Variants in IGF2R observed in about 807,000 individuals in gnomAD.
IGF2R encodes the protein insulin like growth factor 2 receptor, also known as cation-independent mannose-6-phosphate receptor.
A neutral mutation model predicts 270.6 loss-of-function variants in IGF2R; 91 were observed. The observed-to-expected ratio is 0.34, with a 90% CI of 0.28 to 0.40. IGF2R has a LOEUF of 0.40. Ranked by LOEUF, IGF2R falls within the 10% of genes least tolerant of loss-of-function variation. The probability of loss-of-function intolerance (pLI) is 1.00; values close to 1 mark genes in which losing one functional copy is unlikely to be tolerated. For synonymous variants in IGF2R, 1,316 were observed against 1,258.9 expected (o/e 1.05, Z -0.96); for missense variants, 2,805 against 3,188.3 (o/e 0.88, Z 2.90).
chr6:160,104,622 G>C, intron 47 of IGF2R, 52 bp from the exon 48 acceptor site: 1 of 1,563,476 alleles, frequency 6.4e-7, no homozygotes, highest in East Asian at 2.2e-5. Flanking sequence ...TGGTGGAGCA[G>C]AATGGGGTCT....
intron 36 of IGF2R, among the ~76,000 whole-genome samples, chr6:160,077,314 G>C (rs2115279409): frequency 6.6e-6 from 1 of 152,284 alleles, no homozygotes; most frequent in Non-Finnish European, 1.5e-5. Flanking sequence ...GGGCAACGTG[G>C]ATTTTGCCTT....
At chr6:160,079,306 T>A (rs988425668) in intron 37 of IGF2R, among the ~76,000 whole-genome samples, 2 of 152,170 alleles carry the variant, frequency 1.3e-5, no homozygotes, top group South Asian at 2.1e-4. Flanking sequence ...GGGCTCTGAC[T>A]GGAGACGACA....
At chr6:160,054,966 C>T (rs1016564581) in intron 19 of IGF2R, among the ~76,000 whole-genome samples, 3 of 152,072 alleles carry the variant, frequency 2.0e-5, no homozygotes, top group Non-Finnish European at 4.4e-5. Context: ...GCCTGGTCTG[C>T]TTTGTCATTG....
chr6:160,083,808 G>T (rs931178160), intron 39 of IGF2R, 142 bp from the exon 40 acceptor site: 1 of 646,908 alleles, frequency 1.5e-6, no homozygotes, highest in South Asian at 1.9e-5. Flanking sequence ...AGTGGCTGGG[G>T]CAAAGCTACA....
intron 1 of IGF2R, among the ~76,000 whole-genome samples, chr6:159,971,625 G>A (rs766801305): frequency 1.1e-3 from 175 of 152,222 alleles, no homozygotes; most frequent in Middle Eastern, 3.4e-3. Flanking sequence ...CCCAACATGT[G>A]CCAAGTGAAC....
At chr6:159,982,375 A>G (rs1012335734) in intron 1 of IGF2R, among the ~76,000 whole-genome samples, 13 of 152,182 alleles carry the variant, frequency 8.5e-5, no homozygotes, top group Admixed American at 4.6e-4. Flanking sequence ...CTGTTAGAGG[A>G]CTTGCGTGCA....
Position 159,978,825 on chromosome 6 carries a change from T to G in IGF2R, c.149+9430T>G, listed in dbSNP as rs1783735341. ...CTGGCCGTTCAGCCAGCTGCAGACC[T>G]TTGGTAGGAGTTTTCTTTTTCCTTT... On this transcript the variant is annotated intron_variant, in intron 1 of 47. Coordinates refer to ENST00000356956, the MANE Select transcript of IGF2R (RefSeq NM_000876.4). Among the ~76,000 whole-genome samples, 4 of 152,114 alleles carry G rather than the reference T, an allele frequency of 2.6e-5. No individual in the cohort carries two copies. In the South Asian group the frequency reaches 8.3e-4, roughly 31 times the overall value.
chr6:160,043,427 C>G (rs1050091578), intron 12 of IGF2R, 139 bp downstream of exon 12: 108 of 1,011,364 alleles, frequency 1.1e-4, no homozygotes, highest in Middle Eastern at 3.4e-4. Context: ...ATTTTTCATT[C>G]ATAACTCAAA....
chr6:160,097,709 A>G (rs1287056634), intron 45 of IGF2R, among the ~76,000 whole-genome samples: 1 of 152,106 alleles, frequency 6.6e-6, no homozygotes, highest in Non-Finnish European at 1.5e-5. Context: ...TTGCCATGTA[A>G]TTGTTTCCTT....
intron 4 of IGF2R, among the ~76,000 whole-genome samples, chr6:160,023,236 T>C (rs550491142): frequency 6.6e-6 from 1 of 152,022 alleles, no homozygotes; most frequent in East Asian, 1.9e-4. Flanking sequence ...CAGGGTTTAG[T>C]CTGAAGGGAG....
intron 3 of IGF2R, among the ~76,000 whole-genome samples, chr6:160,010,153 G>C (rs761827611): frequency 2.0e-5 from 3 of 152,184 alleles, no homozygotes; most frequent in Non-Finnish European, 4.4e-5. Context: ...GGAGTGAAGA[G>C]GCCAGTTCCT....
chr6:160,047,820 G>A lies in IGF2R; in HGVS notation c.2258G>A (p.Arg753Gln), dbSNP rs141234361. Reference protein sequence around the residue: ...QEEDNSTYNFRWYTSYACPEE... With the variant: ...QEEDNSTYNFQWYTSYACPEE... Reference sequence around the variant, plus strand: ...GAGGATAACTCCACCTACAACTTCCGGTGGTACACCAGCTATGCCTGCCCG... The same window carrying A: ...GAGGATAACTCCACCTACAACTTCCAGTGGTACACCAGCTATGCCTGCCCG... The change falls in exon 17 of 48, where the codon CGG becomes CAG. Residue 753 changes from arginine to glutamine, a missense_variant. Transcript: ENST00000356956. 28 of 1,613,804 alleles carry A rather than the reference G, an allele frequency of 1.7e-5. No individual in the cohort carries two copies. The highest frequency in any genetic ancestry group is 1.9e-5 in the Non-Finnish European group (23 of 1,179,786).
Position 160,035,426 on chromosome 6 carries a change from G to C in IGF2R, c.1315+904G>C, listed in dbSNP as rs1334219610. 3.9e-5 allele frequency among the ~76,000 whole-genome samples: 6 copies of C among 152,202 alleles called. No homozygotes were observed. In the East Asian group the frequency reaches 1.2e-3, roughly 29 times the overall value. On this transcript the variant is annotated intron_variant, in intron 10 of 47. Coordinates refer to ENST00000356956, the MANE Select transcript of IGF2R (RefSeq NM_000876.4). Reference sequence around the variant, plus strand: ...ATGCTCTCGAAGCCTCCGGAGATCAGGTCTGCGTTGGGAGAGACAGGCACC... The same window carrying C: ...ATGCTCTCGAAGCCTCCGGAGATCACGTCTGCGTTGGGAGAGACAGGCACC...
chr6:160,065,973 GGATTACA>G (rs1778575795), intron 29 of IGF2R, among the ~76,000 whole-genome samples: 1 of 147,232 alleles, frequency 6.8e-6, no homozygotes, highest in Admixed American at 6.8e-5. Context: ...CTAGTAGCTG[GGATTACA>G]GACACCACCA....
chr6:159,991,233 A>G lies in IGF2R; in HGVS notation c.199A>G (p.Asn67Asp). Residue 67 changes from asparagine to aspartate, a missense_variant, in exon 2 of 48, where the codon AAC becomes GAC. By Grantham distance (23) the Asn-to-Asp change is conservative. Transcript: ENST00000356956. The part of the protein sequence containing the change: ...DTKNNVLYKI[N>D]ICGSVDIVQC... ...CAAAAATAATGTACTTTATAAAATC[A>G]ACATCTGTGGAAGTGTGGATATTGT... 1.2e-6 allele frequency: 2 copies of G among 1,613,474 alleles called. No individual in the cohort carries two copies. The highest frequency in any genetic ancestry group is 1.7e-6 in the Non-Finnish European group (2 of 1,179,606).
intron 4 of IGF2R, among the ~76,000 whole-genome samples, chr6:160,017,596 C>T (rs1216110822): frequency 2.0e-5 from 3 of 152,096 alleles, no homozygotes; most frequent in Non-Finnish European, 4.4e-5. Context: ...AGGAAAAAAT[C>T]CTATCCACGA....
At chr6:160,041,063 G>A (rs969879735) in intron 11 of IGF2R, among the ~76,000 whole-genome samples, 11 of 152,128 alleles carry the variant, frequency 7.2e-5, no homozygotes, top group Non-Finnish European at 1.3e-4. Flanking sequence ...GCTGTTCACC[G>A]CTGCCTCAGC....
Position 159,969,261 on chromosome 6 carries a change from C to T in IGF2R, c.15C>T (p.Ala5=), listed in dbSNP as rs1783568519. Residue 5 remains alanine, a synonymous_variant, in exon 1 of 48, where the codon GCC becomes GCT. Coordinates refer to ENST00000356956, the MANE Select transcript of IGF2R (RefSeq NM_000876.4). ...GGCCCGGCGCGATGGGGGCCGCCGC[C>T]GGCCGGAGCCCCCACCTGGGGCCCG... MGAA[A]GRSPHLGPAP... is the part of the protein sequence containing the mutation. The T allele has an allele frequency of 9.2e-7, 1 of 1,086,880 alleles. No individual in the cohort carries two copies. The highest frequency in any genetic ancestry group is 1.1e-6 in the Non-Finnish European group (1 of 898,904). 67.3% of individuals were successfully genotyped at this position (1,086,880 alleles called of 1,614,324 possible). A position where few individuals can be genotyped will look rare whatever the true frequency, so the allele number is the denominator to read the frequency against.
chr6:160,072,985 G>A, intron 33 of IGF2R, 101 bp downstream of exon 33: 1 of 1,496,910 alleles, frequency 6.7e-7, no homozygotes, highest in South Asian at 1.3e-5. Context: ...AGCAGAGCCA[G>A]GAAGCTGAGA....
Sources: allele counts gnomAD v4.1 joint callset (sites outside exome capture counted in the v4.1 genomes callset), GRCh38; gene constraint gnomAD v4.1.1; transcripts MANE v1.5; gene names NCBI Gene and HGNC (gene_info 2026-07-23, HGNC 2026-07-21).